Variants in SRGAP2C observed in about 807,000 individuals in gnomAD.
SRGAP2C encodes SLIT-ROBO Rho GTPase-activating protein 2C.
SRGAP2C carries 15 observed loss-of-function variants against 25.1 expected under a neutral mutation model. That is an observed-to-expected ratio of 0.60 (90% CI 0.40 to 0.92). SRGAP2C has a LOEUF of 0.92. SRGAP2C is among the 40% of genes least tolerant of loss of function. SRGAP2C has a pLI of 0.00. For missense variants in SRGAP2C, 144 were observed against 264.4 expected (o/e 0.54, Z 3.16); for synonymous variants, 44 against 96.6 (o/e 0.46, Z 3.19).
intron 5 of SRGAP2C, among the ~76,000 whole-genome samples, chr1:121,367,936 C>T (rs1253871407): frequency 1.7e-5 from 2 of 120,702 alleles, no homozygotes; most frequent in Admixed American, 1.7e-4. Context: ...ATTAGCTGGG[C>T]ATGGTGGCGG....
At chr1:121,368,777 CCT>C (rs1208194391) in intron 5 of SRGAP2C, among the ~76,000 whole-genome samples, 1 of 82,972 alleles carries the variant, frequency 1.2e-5, no homozygotes, top group East Asian at 3.7e-4. Context: ...CAGGGAAGGG[CCT>C]CTCATTTCAA....
chr1:121,206,275 G>A (rs1417513716), intron 2 of SRGAP2C, among the ~76,000 whole-genome samples: 1 of 152,146 alleles, frequency 6.6e-6, no homozygotes, highest in Non-Finnish European at 1.5e-5. Context: ...TGGGCAGCCT[G>A]TCATTTCAAC....
At position 121,391,058 on chromosome 1, in the gene SRGAP2C, A is replaced by G. The variant is rs1660065253; in HGVS notation, c.*3203A>G. On this transcript the variant is annotated 3_prime_UTR_variant, in exon 10 of 10. Coordinates refer to ENST00000367123, the MANE Select transcript of SRGAP2C (RefSeq NM_001329984.2). ...TCTGCCTAAAAAAAAAAAAAGAAAGATTAAAAAATAAATAAATCTGCTGGG... is the reference window on the plus strand; with the variant it reads ...TCTGCCTAAAAAAAAAAAAAGAAAGGTTAAAAAATAAATAAATCTGCTGGG... 7.1e-6 allele frequency: 1 copy of G among 140,028 alleles called. No homozygotes were observed. The highest frequency in any genetic ancestry group is 7.2e-5 in the Admixed American group (1 of 13,864). 8.7% of individuals were successfully genotyped at this position (140,028 alleles called of 1,614,324 possible). A position where few individuals can be genotyped will look rare whatever the true frequency, so the allele number is the denominator to read the frequency against.
intron 2 of SRGAP2C, among the ~76,000 whole-genome samples, chr1:121,207,713 C>T (rs1228909747): frequency 3.3e-5 from 5 of 152,116 alleles, no homozygotes; most frequent in Non-Finnish European, 7.3e-5. Context: ...CAGATATTGG[C>T]AGTTGAACTT....
At chr1:121,254,045 T>A (rs587606109) in intron 2 of SRGAP2C, among the ~76,000 whole-genome samples, 2 of 151,106 alleles carry the variant, frequency 1.3e-5, no homozygotes, top group African/African-American at 4.9e-5. Flanking sequence ...CCTGAGTAGC[T>A]GGGACTGCAG....
chr1:121,214,066 ATCTT>A (rs1655333008), intron 2 of SRGAP2C, among the ~76,000 whole-genome samples: 1 of 146,074 alleles, frequency 6.8e-6, no homozygotes, highest in Non-Finnish European at 1.5e-5. Flanking sequence ...CAGTGGCATG[ATCTT>A]GGCTTACTGC....
chr1:121,286,685 G>T (rs1344858106), intron 3 of SRGAP2C, among the ~76,000 whole-genome samples: 1 of 152,186 alleles, frequency 6.6e-6, no homozygotes, highest in East Asian at 1.9e-4. Flanking sequence ...CATGTGATTT[G>T]TGTGCACATT....
Position 121,284,989 on chromosome 1 carries a change from A to G in SRGAP2C, c.254A>G (p.Gln85Arg). 1 of 1,517,408 alleles carries G rather than the reference A, an allele frequency of 6.6e-7. No individual in the cohort carries two copies. 94.0% of individuals were successfully genotyped at this position (1,517,408 alleles called of 1,614,324 possible). ...AAGACACGCAGCACCAAGGACCAGC[A>G]ATTCAAGTAGGGGCTCTGTGGCTAT... ...LAKTRSTKDQ[Q>R]FKKDQNVLSP... Residue 85 changes from glutamine (Q) to arginine (R), a missense_variant, in exon 3 of 10, where the codon CAA becomes CGA. Physicochemically the swap from Gln to Arg is conservative, Grantham distance 43 (BLOSUM62 1). Coordinates refer to ENST00000367123, the MANE Select transcript of SRGAP2C (RefSeq NM_001329984.2).
At chr1:121,191,841 G>A (rs1232843951) in intron 2 of SRGAP2C, among the ~76,000 whole-genome samples, 5 of 146,466 alleles carry the variant, frequency 3.4e-5, no homozygotes, top group Admixed American at 6.8e-5. Context: ...AAACAGGGTG[G>A]CACTGTATGC....
chr1:121,363,895 A>C (rs1465735936), intron 4 of SRGAP2C, among the ~76,000 whole-genome samples: 1 of 151,854 alleles, frequency 6.6e-6, no homozygotes, highest in Non-Finnish European at 1.5e-5. Flanking sequence ...GTAGGAATTT[A>C]AGAGTTACTT....
At chr1:121,295,518 A>C (rs1657576062) in intron 3 of SRGAP2C, among the ~76,000 whole-genome samples, 1 of 151,842 alleles carries the variant, frequency 6.6e-6, no homozygotes, top group African/African-American at 2.4e-5. Flanking sequence ...GACACATGCC[A>C]GATACCCACC....
intron 7 of SRGAP2C, among the ~76,000 whole-genome samples, chr1:121,380,809 G>A (rs1384857196): frequency 3.3e-5 from 5 of 151,744 alleles, no homozygotes; most frequent in Non-Finnish European, 5.9e-5. Context: ...GTTTAGGACA[G>A]TGATGCTGAC....
At chr1:121,262,872 G>A (rs1308439961) in intron 2 of SRGAP2C, among the ~76,000 whole-genome samples, 5 of 150,054 alleles carry the variant, frequency 3.3e-5, no homozygotes, top group African/African-American at 1.2e-4. Context: ...AATTTCCAAG[G>A]GAATCAGGTT....
chr1:121,293,362 C>A (rs1657530333), intron 3 of SRGAP2C, among the ~76,000 whole-genome samples: 1 of 138,396 alleles, frequency 7.2e-6, no homozygotes, highest in East Asian at 2.3e-4. Flanking sequence ...GCATGGGGGA[C>A]CATTGATAGT....
intron 2 of SRGAP2C, among the ~76,000 whole-genome samples, chr1:121,208,803 A>G (rs1553322973): frequency 6.6e-6 from 1 of 152,218 alleles, no homozygotes; most frequent in African/African-American, 2.4e-5. Flanking sequence ...AATTCCTTGC[A>G]TTTTTATTCG....
intron 5 of SRGAP2C, among the ~76,000 whole-genome samples, chr1:121,366,698 C>G (rs1355113120): frequency 6.6e-5 from 10 of 151,708 alleles, no homozygotes; most frequent in Admixed American, 6.6e-4. Flanking sequence ...TTACTCCTTT[C>G]TCCTAGCAGA....
chr1:121,225,713 A>G (rs1553326420), intron 2 of SRGAP2C, among the ~76,000 whole-genome samples: 1 of 151,364 alleles, frequency 6.6e-6, no homozygotes, highest in Non-Finnish European at 1.5e-5. Flanking sequence ...AATGTTTTAA[A>G]ACTTTTTTTT....
chr1:121,359,822 TATC>T (rs1162421534), intron 4 of SRGAP2C, among the ~76,000 whole-genome samples: 1 of 152,122 alleles, frequency 6.6e-6, no homozygotes, highest in Admixed American at 6.5e-5. Context: ...GAATAGGAAA[TATC>T]ATAGTGGACA....
intron 5 of SRGAP2C, among the ~76,000 whole-genome samples, chr1:121,369,615 C>A (rs1302597697): frequency 6.8e-6 from 1 of 147,518 alleles, no homozygotes; most frequent in Non-Finnish European, 1.5e-5. Flanking sequence ...TCCCTCAACT[C>A]TGCTTGCCTA....
Sources: gnomAD v4.1 joint callset for allele counts (sites outside exome capture counted in the v4.1 genomes callset) on GRCh38, gnomAD v4.1.1 for gene constraint, MANE v1.5 for transcripts, NCBI Gene and HGNC (gene_info 2026-07-23, HGNC 2026-07-21) for gene names.